GTF3C1: variants seen among roughly 807,000 people sequenced by gnomAD.
GTF3C1 encodes general transcription factor 3C polypeptide 1.
GTF3C1 carries 57 observed loss-of-function variants against 226.7 expected under a neutral mutation model. The ratio of observed to expected loss-of-function variants is 0.25; its 90% CI spans 0.20 to 0.31. The LOEUF (loss-of-function observed/expected upper bound fraction) is 0.31. GTF3C1 is among the 10% of genes least tolerant of loss of function. GTF3C1 has a pLI of 1.00. For synonymous variants in GTF3C1, 1,090 were observed against 1,084.8 expected, an observed-to-expected ratio of 1.00 and a Z score of -0.09; for missense variants, 2,217 against 2,776.1, an observed-to-expected ratio of 0.80 and a Z score of 4.53.
At chr16:27,530,325 T>C (rs1428004537) in intron 5 of GTF3C1, among the ~76,000 whole-genome samples, 1 of 152,068 alleles carries the variant, frequency 6.6e-6, no homozygotes, top group African/African-American at 2.4e-5. Context: ...CCCAGCATCA[T>C]AAAAAGACCC....
At chr16:27,549,089 C>T (rs1261983309) in intron 1 of GTF3C1, among the ~76,000 whole-genome samples, 3 of 152,002 alleles carry the variant, frequency 2.0e-5, no homozygotes, top group African/African-American at 7.2e-5. Context: ...GGGAGGCGGA[C>T]GGAGGTTGCA....
intron 6 of GTF3C1, among the ~76,000 whole-genome samples, chr16:27,528,281 A>C (rs78342501): frequency 1.3e-5 from 2 of 152,026 alleles, no homozygotes; most frequent in Non-Finnish European, 2.9e-5. Flanking sequence ...AAAAGCAAAG[A>C]AAAAAAAGAA....
intron 28 of GTF3C1, among the ~76,000 whole-genome samples, chr16:27,476,883 A>G (rs527660816): frequency 6.6e-6 from 1 of 152,362 alleles, no homozygotes; most frequent in South Asian, 2.1e-4. Context: ...CAGAGCTAAA[A>G]TCAAAGTGAC....
intron 6 of GTF3C1, among the ~76,000 whole-genome samples, chr16:27,523,777 T>C (rs934325358): frequency 2.0e-5 from 3 of 152,086 alleles, no homozygotes; most frequent in African/African-American, 7.2e-5. Flanking sequence ...CGGCGTGCCA[T>C]GGAAGTGAGG....
Position 27,498,617 on chromosome 16 carries a change from C to A in GTF3C1, c.2165+13G>T. On this transcript the variant is annotated intron_variant, in intron 13 of 36. Transcript: ENST00000356183. ...AGCCTTGCTATGGGTTCTTCCCGGG[C>A]ACCTCCACTTGCCTGTTGGCTGTGC... 2 of 1,375,246 alleles carry A rather than the reference C, an allele frequency of 1.5e-6. No individual in the cohort carries two copies. Among genetic ancestry groups the A allele is most frequent in the South Asian group, 1.2e-5 (1 of 86,418 alleles). The allele number at this position is 1,375,246 out of a possible 1,614,324, so 85.2% of individuals were successfully genotyped here. A position where few individuals can be genotyped will look rare whatever the true frequency, so the allele number is the denominator to read the frequency against.
chr16:27,469,462 C>A lies in GTF3C1; in HGVS notation c.4903G>T (p.Val1635Leu), dbSNP rs780989685. Residue 1635 changes from valine to leucine, a missense_variant, in exon 32 of 37, where the codon GTG becomes TTG. Physicochemically the swap from Val to Leu is conservative, Grantham distance 32 (BLOSUM62 1). This residue lies in a region of GTF3C1 where 455 missense variants were observed against 441.9 expected (regional missense o/e 1.03). Transcript: ENST00000356183. This position sits in a 1 kb window ranked among gnomAD's most constrained non-coding sequence, Gnocchi z 4.5. ...GTGTGGGAGGCTTGCGCAGGTTTCA[C>A]CTCCATGCTCCGGCGCTTGCCCCCT... ...GVGGKRRSME[V>L]KPAQASHTNY... 1.9e-6 allele frequency: 3 copies of A among 1,614,090 alleles called. No homozygotes were observed. The highest frequency in any genetic ancestry group is 2.5e-6 in the Non-Finnish European group (3 of 1,180,040).
At position 27,463,614 on chromosome 16, in the gene GTF3C1, G is replaced by GAT. The variant is rs758674853; in HGVS notation, c.5873-23_5873-22insAT. ...AACCCTGAGGGAAGAGGAAGAGAAT[G>GAT]TGAGAGACTCGGAAAGTCAGGGAAG... On this transcript the variant is annotated intron_variant, in intron 34 of 36. Transcript: ENST00000356183. This position sits in a 1 kb window ranked among gnomAD's most constrained non-coding sequence, Gnocchi z 4.9. 2.4e-4 allele frequency: 361 copies of GAT among 1,498,592 alleles called. No homozygotes were observed. Among genetic ancestry groups the GAT allele is most frequent in the Non-Finnish European group, 3.2e-4 (345 of 1,074,254 alleles). The allele number at this position is 1,498,592 out of a possible 1,614,324, so 92.8% of individuals were successfully genotyped here.
Position 27,464,838 on chromosome 16 carries a change from T to TGG in GTF3C1, c.5356-4_5356-3dup, listed in dbSNP as rs767108822. 2 of 1,502,830 alleles carry TGG rather than the reference T, an allele frequency of 1.3e-6. No homozygotes were observed. Among genetic ancestry groups the TGG allele is most frequent in the African/African-American group, 2.8e-5 (2 of 71,552 alleles). The allele number at this position is 1,502,830 out of a possible 1,614,324, so 93.1% of individuals were successfully genotyped here. A position where few individuals can be genotyped will look rare whatever the true frequency, so the allele number is the denominator to read the frequency against. ...CACCTGATGCTGCTCCAGGAGGGCC[T>TGG]GGGGAGGCAGGAGACACGCGGGGTC... On this transcript the variant is annotated splice_region_variant and splice_polypyrimidine_tract_variant and intron_variant, in intron 33 of 36. Transcript: ENST00000356183.
At chr16:27,539,787 G>A (rs911972829) in intron 2 of GTF3C1, among the ~76,000 whole-genome samples, 2 of 152,186 alleles carry the variant, frequency 1.3e-5, no homozygotes, top group Admixed American at 6.5e-5. Flanking sequence ...GAGTGGGTTA[G>A]TTATCTCAGG....
At position 27,484,626 on chromosome 16, in the gene GTF3C1, G is replaced by A. The variant is rs780303752; in HGVS notation, c.3859-273C>T. ...GTGTGACAAAGGTGCCCAACGGGGC[G>A]GGGGGGAACTGCCTGAAAGGGCGCT... On this transcript the variant is annotated intron_variant, in intron 24 of 36. Coordinates refer to ENST00000356183, the MANE Select transcript of GTF3C1 (RefSeq NM_001520.4). Among the ~76,000 whole-genome samples, 34 of 152,100 alleles carry A rather than the reference G, an allele frequency of 2.2e-4. No individual in the cohort carries two copies. In the Middle Eastern group the frequency reaches 0.014, roughly 61 times the overall value.
At chr16:27,481,796 C>A (rs1265416072) in intron 26 of GTF3C1, among the ~76,000 whole-genome samples, 2 of 152,232 alleles carry the variant, frequency 1.3e-5, no homozygotes, top group African/African-American at 2.4e-5. Flanking sequence ...GCCAGCCCCA[C>A]GGCTCCCTCT....
At chr16:27,491,114 C>T (rs909643369) in intron 19 of GTF3C1, among the ~76,000 whole-genome samples, 3 of 152,234 alleles carry the variant, frequency 2.0e-5, no homozygotes, top group African/African-American at 4.8e-5. Context: ...TTCTAAAATA[C>T]GTCTGGACCC....
chr16:27,466,222 A>C, intron 32 of GTF3C1: 1 of 152,408 alleles, frequency 6.6e-6, no homozygotes, highest in Admixed American at 6.5e-5. Flanking sequence ...GCAAGTCTGC[A>C]TCAAGAGAGT....
chr16:27,536,819 T>C (rs1294479377), intron 4 of GTF3C1, among the ~76,000 whole-genome samples: 2 of 152,160 alleles, frequency 1.3e-5, no homozygotes, highest in Non-Finnish European at 1.5e-5. Context: ...GCTTGACCTT[T>C]TCCCATTCTG....
rs767774262 is a variant in GTF3C1, at chr16:27,492,329, G to A, written c.3151+9C>T. 1.8e-5 allele frequency: 28 copies of A among 1,525,552 alleles called. No individual in the cohort carries two copies. Among genetic ancestry groups the A allele is most frequent in the East Asian group, 2.3e-5 (1 of 44,252 alleles). 94.5% of individuals were successfully genotyped at this position (1,525,552 alleles called of 1,614,324 possible). A position where few individuals can be genotyped will look rare whatever the true frequency, so the allele number is the denominator to read the frequency against. ...GCAGCCAGGTTCAGCCGAGACAGCC[G>A]ACACCCACCTAGTGGGGTGTTGAGG... On this transcript the variant is annotated intron_variant, in intron 19 of 36. Transcript: ENST00000356183. The surrounding 1 kb of genome is among the most constrained non-coding windows in gnomAD (Gnocchi z 5.0).
At chr16:27,528,258 G>A (rs775975408) in intron 6 of GTF3C1, among the ~76,000 whole-genome samples, 8 of 152,098 alleles carry the variant, frequency 5.3e-5, no homozygotes, top group East Asian at 1.9e-4. Context: ...CGACAAAAGC[G>A]AGACTGCCTC....
rs775381855 is a variant in GTF3C1, at chr16:27,481,200, A to G, written c.4084-9T>C. 1.9e-6 allele frequency: 3 copies of G among 1,606,556 alleles called. No individual in the cohort carries two copies. Among genetic ancestry groups the G allele is most frequent in the Non-Finnish European group, 1.7e-6 (2 of 1,173,086 alleles). On this transcript the variant is annotated splice_polypyrimidine_tract_variant and intron_variant, in intron 26 of 36. Transcript: ENST00000356183. Reference sequence around the variant, plus strand: ...AACTCGTTGGCACAAACCTTTCAACATGAGAGCATGAGAGGTTAAGCCCTT... The same window carrying G: ...AACTCGTTGGCACAAACCTTTCAACGTGAGAGCATGAGAGGTTAAGCCCTT...
chr16:27,521,588 G>C (rs920486697), intron 6 of GTF3C1, among the ~76,000 whole-genome samples: 4 of 152,240 alleles, frequency 2.6e-5, no homozygotes, highest in African/African-American at 9.6e-5. Context: ...GGGTCCCCTC[G>C]AGAGAGCTGC....
At chr16:27,475,341 G>A (rs879604410) in intron 29 of GTF3C1, among the ~76,000 whole-genome samples, 18 of 152,238 alleles carry the variant, frequency 1.2e-4, no homozygotes, top group Non-Finnish European at 2.6e-4. Context: ...TCATCGGCGG[G>A]ATTAGGAAAG....
Sources: allele counts gnomAD v4.1 joint callset (sites outside exome capture counted in the v4.1 genomes callset), GRCh38; gene constraint gnomAD v4.1.1; regional missense constraint gnomAD v4.1.1; non-coding constraint Gnocchi (gnomAD v3.1); transcripts MANE v1.5; gene names NCBI Gene and HGNC (gene_info 2026-07-23, HGNC 2026-07-21).